ZGRF1: variants seen among roughly 807,000 people sequenced by gnomAD.
ZGRF1 encodes the protein zinc finger GRF-type containing 1, also known as 5'-3' DNA helicase ZGRF1.
ZGRF1 carries 196 observed loss-of-function variants against 203.5 expected under a neutral mutation model. That is an observed-to-expected ratio of 0.96 (90% CI 0.86 to 1.08). The LOEUF is 1.08. ZGRF1 is among the 50% of genes least tolerant of loss of function. The pLI, the probability that ZGRF1 is intolerant of heterozygous loss-of-function variation, is 0.00. For missense variants in ZGRF1, 2,326 were observed against 2,416.3 expected (o/e 0.96, Z 0.78); for synonymous variants, 809 against 841.3 (o/e 0.96, Z 0.66).
chr4:112,620,930 G>A (rs2047041927), intron 4 of ZGRF1, among the ~76,000 whole-genome samples: 1 of 151,956 alleles, frequency 6.6e-6, no homozygotes, highest in Admixed American at 6.6e-5. Flanking sequence ...TACTTGAAAG[G>A]CTGAGGTGGA....
chr4:112,566,727 G>C (rs1743166862), intron 16 of ZGRF1, among the ~76,000 whole-genome samples: 1 of 152,038 alleles, frequency 6.6e-6, no homozygotes, highest in Admixed American at 6.6e-5. Context: ...CCTCGAGTTG[G>C]AGGGCCTGTT....
intron 11 of ZGRF1, among the ~76,000 whole-genome samples, chr4:112,588,247 CA>C (rs1747566743): frequency 6.6e-6 from 1 of 151,758 alleles, no homozygotes; most frequent in African/African-American, 2.4e-5. Flanking sequence ...CTAACAACAA[CA>C]ACAAAAATGC....
intron 26 of ZGRF1, among the ~76,000 whole-genome samples, chr4:112,540,429 G>A (rs2148799767): frequency 6.6e-6 from 1 of 152,268 alleles, no homozygotes; most frequent in South Asian, 2.1e-4. Flanking sequence ...CTAGTTAGAA[G>A]TAATTGGCTC....
intron 9 of ZGRF1, 82 bp downstream of exon 9, chr4:112,605,926 T>C: frequency 4.4e-6 from 4 of 901,918 alleles, no homozygotes; most frequent in Non-Finnish European, 7.2e-6. Flanking sequence ...AAAACTCTGA[T>C]ACTTGTTTTT....
intron 21 of ZGRF1, 36 bp downstream of exon 21, chr4:112,554,669 G>A (rs1379949607): frequency 9.6e-7 from 1 of 1,045,976 alleles, no homozygotes; most frequent in Admixed American, 2.0e-5. Flanking sequence ...ACTTCCCTCT[G>A]ACCATTCTGT....
intron 10 of ZGRF1, among the ~76,000 whole-genome samples, chr4:112,592,215 A>G (rs1229931309): frequency 6.6e-6 from 1 of 150,612 alleles, no homozygotes; most frequent in Non-Finnish European, 1.5e-5. Flanking sequence ...CTCGTGCCTC[A>G]GGCTCCTGAG....
chr4:112,550,767 C>T (rs765739604), intron 22 of ZGRF1, among the ~76,000 whole-genome samples: 3 of 152,112 alleles, frequency 2.0e-5, no homozygotes, highest in Non-Finnish European at 4.4e-5. Flanking sequence ...GCAGAAGAAT[C>T]GCTTGAACCC....
intron 24 of ZGRF1, among the ~76,000 whole-genome samples, chr4:112,545,427 A>G (rs1257510509): frequency 7.9e-5 from 12 of 152,172 alleles, no homozygotes; most frequent in Non-Finnish European, 1.5e-5. Flanking sequence ...GGAAACCACA[A>G]TAAGATACCC....
At chr4:112,559,832 C>T (rs1741617753) in intron 19 of ZGRF1, among the ~76,000 whole-genome samples, 1 of 152,148 alleles carries the variant, frequency 6.6e-6, no homozygotes, top group Admixed American at 6.5e-5. Flanking sequence ...CTAGACCCCA[C>T]ACTCTTACCC....
At chr4:112,578,932 T>C (rs1191288044) in intron 16 of ZGRF1, among the ~76,000 whole-genome samples, 1 of 122,754 alleles carries the variant, frequency 8.1e-6, no homozygotes, top group Non-Finnish European at 1.8e-5. Context: ...GAGGCCAGAA[T>C]CACCCTGATA....
At chr4:112,545,523 C>T (rs1294183317) in intron 24 of ZGRF1, among the ~76,000 whole-genome samples, 3 of 152,156 alleles carry the variant, frequency 2.0e-5, no homozygotes, top group African/African-American at 7.2e-5. Flanking sequence ...CACTTGTGCA[C>T]TGCTGTTGGG....
chr4:112,550,901 A>AG, intron 22 of ZGRF1, among the ~76,000 whole-genome samples: 1 of 152,272 alleles, frequency 6.6e-6, no homozygotes, highest in South Asian at 2.1e-4. Flanking sequence ...GTAATGTCCT[A>AG]GGCTTCCACA....
At position 112,602,906 on chromosome 4, in the gene ZGRF1, G is replaced by A. The variant is rs191676319; in HGVS notation, c.2976+618C>T. Among the ~76,000 whole-genome samples the A allele has an allele frequency of 3.1e-3, 475 of 152,236 alleles. 4 individuals carry two copies. The highest frequency in any genetic ancestry group is 0.011 in the African/African-American group (459 of 41,560). ...GTGAAAAGGGTAGTGATTGAAAAGG[G>A]GCAGAAGGAGAGCTTCTGAGATGCT... is the stretch of plus-strand genomic sequence containing the variant. On this transcript the variant is annotated intron_variant, in intron 10 of 27. Transcript: ENST00000505019.
At chr4:112,631,396 G>A (rs2047403752) in intron 3 of ZGRF1, among the ~76,000 whole-genome samples, 2 of 152,068 alleles carry the variant, frequency 1.3e-5, no homozygotes, top group Non-Finnish European at 2.9e-5. Context: ...TCAGCCGGGG[G>A]CAGTGGCTCA....
Position 112,557,810 on chromosome 4 carries a change from G to C in ZGRF1, c.5120+340C>G, listed in dbSNP as rs183851148. On this transcript the variant is annotated intron_variant, in intron 20 of 27. Transcript: ENST00000505019. ...GAAATGTGTTGGGTAAGAATGGTCA[G>C]GGACTTGCATCCTTAGCATCCCAGC... Among the ~76,000 whole-genome samples, 22 of 152,350 alleles carry C rather than the reference G, an allele frequency of 1.4e-4. No individual in the cohort carries two copies. In the East Asian group the frequency reaches 4.0e-3, roughly 28 times the overall value.
chr4:112,575,048 C>T (rs1182879383), intron 16 of ZGRF1, among the ~76,000 whole-genome samples: 4 of 141,900 alleles, frequency 2.8e-5, no homozygotes, highest in Non-Finnish European at 4.7e-5. Context: ...AACAAGCAAA[C>T]AAAAAAAAAA....
At chr4:112,625,883 G>A (rs1409922173) in intron 3 of ZGRF1, among the ~76,000 whole-genome samples, 3 of 142,534 alleles carry the variant, frequency 2.1e-5, no homozygotes, top group Non-Finnish European at 4.6e-5. Flanking sequence ...CAACAAGAAC[G>A]AAACTCCGTC....
chr4:112,633,602 CACA>C (rs2047483979), intron 1 of ZGRF1, among the ~76,000 whole-genome samples: 1 of 152,164 alleles, frequency 6.6e-6, no homozygotes, highest in Admixed American at 6.5e-5. Context: ...CTACGGTTAC[CACA>C]AGATGGCCCC....
At position 112,572,215 on chromosome 4, in the gene ZGRF1, T is replaced by C. The variant is rs148613068; in HGVS notation, c.4439-8941A>G. Among the ~76,000 whole-genome samples, 13 of 152,150 alleles carry C rather than the reference T, an allele frequency of 8.5e-5. No individual in the cohort carries two copies. In the East Asian group the frequency reaches 1.7e-3, roughly 20 times the overall value. On this transcript the variant is annotated intron_variant, in intron 16 of 27. Coordinates refer to ENST00000505019, the MANE Select transcript of ZGRF1 (RefSeq NM_018392.5). ...GTATAAAAACAGGCACACAAACCAATAGAACAGAATAGAGAGCCCAGAAAT... is the reference window on the plus strand; with the variant it reads ...GTATAAAAACAGGCACACAAACCAACAGAACAGAATAGAGAGCCCAGAAAT...
Sources: allele counts gnomAD v4.1 joint callset (sites outside exome capture counted in the v4.1 genomes callset), GRCh38; gene constraint gnomAD v4.1.1; transcripts MANE v1.5; gene names NCBI Gene and HGNC (gene_info 2026-07-23, HGNC 2026-07-21).